GRHL3: variants seen among roughly 807,000 people sequenced by gnomAD.
The protein encoded by GRHL3 is grainyhead like transcription factor 3.
Under a neutral mutation model 70.3 loss-of-function variants are expected in GRHL3, and 20 were observed. The observed-to-expected ratio is 0.28, with a 90% CI of 0.20 to 0.41. The LOEUF (loss-of-function observed/expected upper bound fraction) is 0.41, where lower values mean the gene tolerates loss of function less well. GRHL3 is among the 10% of genes least tolerant of loss of function. The probability of loss-of-function intolerance (pLI) is 1.00; values close to 1 mark genes in which losing one functional copy is unlikely to be tolerated. For missense variants in GRHL3, 637 were observed against 762.3 expected (o/e 0.84, Z 1.94); for synonymous variants, 299 against 299.9 (o/e 1.00, Z 0.03).
At chr1:24,364,364 C>T (rs539431346) in exon 16 of GRHL3, 28 of 1,540,110 alleles carry the variant, frequency 1.8e-5, no homozygotes, top group Admixed American at 6.0e-5. Context: ...ACTGTAAACT[C>T]GGAATGACAC....
rs567840711 is a variant in GRHL3 at position 24,347,325 on chromosome 1, C to G, written c.1544-143C>G. 8 of 703,294 alleles carry G rather than the reference C, an allele frequency of 1.1e-5. No homozygotes were observed. The African/African-American group carries it at 1.4e-4, about 12-fold the overall frequency. The allele number at this position is 703,294 out of a possible 1,614,324, so 43.6% of individuals were successfully genotyped here. ...GCTTAAGAGGGTGCATGGGAATCTG[C>G]AGAGCCGGCCAAAGGGCCTCCCAGC... On this transcript the variant is annotated intron_variant, in intron 13 of 15. Coordinates refer to ENST00000361548, the MANE Select transcript of GRHL3 (RefSeq NM_198173.3).
chr1:24,357,505 GCCTCAGTACTTTTTAAAGT>G (rs1640802163), downstream of GRHL3: 2 of 152,840 alleles, frequency 1.3e-5, no homozygotes, highest in African/African-American at 4.8e-5. Flanking sequence ...TGGGCCCCAG[GCCTCAGTACTTTTTAAAGT>G]CCCCAGGTGA....
rs1436241959 is a variant in GRHL3 at position 24,321,335 on chromosome 1, A to C, written c.17+1767A>C. Among the ~76,000 whole-genome samples, 1 of 152,198 alleles carries C rather than the reference A, an allele frequency of 6.6e-6. No homozygotes were observed. The highest frequency in any genetic ancestry group is 1.5e-5 in the Non-Finnish European group (1 of 68,038). ...TGCTGAGTAATTGCAGGCGGACTCC[A>C]AGCCACCATTTGAGATTACAGTGGC... On this transcript the variant is annotated intron_variant, in intron 1 of 15. Transcript: ENST00000361548. This position sits in a 1 kb window ranked among gnomAD's most constrained non-coding sequence, Gnocchi z 4.0.
At chr1:24,338,367 C>CA (rs1639908657) in intron 7 of GRHL3, among the ~76,000 whole-genome samples, 1 of 152,294 alleles carries the variant, frequency 6.6e-6, no homozygotes, top group South Asian at 2.1e-4. Context: ...TGTTTGTCTC[C>CA]ATCAGGAGGC....
intron 1 of GRHL3, among the ~76,000 whole-genome samples, 197 bp from the exon 2 acceptor site, chr1:24,331,229 A>G (rs575747870): frequency 1.3e-5 from 2 of 152,348 alleles, no homozygotes; most frequent in East Asian, 1.9e-4. Flanking sequence ...CAGCTTCTAC[A>G]TGGCAACATT....
intron 1 of GRHL3, 129 bp downstream of exon 1, chr1:24,319,697 C>A: frequency 6.3e-7 from 1 of 1,595,558 alleles, no homozygotes; most frequent in South Asian, 1.1e-5. Flanking sequence ...AATGAATGGG[C>A]TGACGATCTT....
intron 15 of GRHL3, among the ~76,000 whole-genome samples, chr1:24,351,776 AC>A (rs1350148352): frequency 5.9e-5 from 9 of 152,056 alleles, no homozygotes; most frequent in Non-Finnish European, 1.2e-4. Flanking sequence ...TAATTCTAAA[AC>A]CTTCCATTTA....
At chr1:24,336,935 C>A (rs1557697053) in intron 4 of GRHL3, 108 bp downstream of exon 4, 1 of 1,234,672 alleles carries the variant, frequency 8.1e-7, no homozygotes, top group Non-Finnish European at 1.2e-6. Context: ...GGGAAAGCAT[C>A]CTAGAGCTGA....
rs1302360006 is a variant in GRHL3 at position 24,322,180 on chromosome 1, T to A, written c.17+2612T>A. ...AAAGGGGCTTGGCACACAGTAGGTC[T>A]AAGGCACCGAGGCAGGAGCGTCCCC... On this transcript the variant is annotated intron_variant, in intron 1 of 15. Coordinates refer to ENST00000361548, the MANE Select transcript of GRHL3 (RefSeq NM_198173.3). The surrounding 1 kb of genome is among the most constrained non-coding windows in gnomAD (Gnocchi z 4.4). Among the ~76,000 whole-genome samples the A allele has an allele frequency of 1.3e-5, 2 of 152,106 alleles. No individual in the cohort carries two copies. Among genetic ancestry groups the A allele is most frequent in the African/African-American group, 4.8e-5 (2 of 41,448 alleles).
rs946682090 is a variant in GRHL3, at chr1:24,335,834, G to A, written c.267-648G>A. Among the ~76,000 whole-genome samples the A allele has an allele frequency of 5.3e-5, 8 of 152,040 alleles. No homozygotes were observed. The East Asian group carries it at 5.8e-4, about 11-fold the overall frequency. On this transcript the variant is annotated intron_variant, in intron 3 of 15. Transcript: ENST00000361548. The stretch of plus-strand genomic sequence containing the variant: ...CCTGACCTCGTGATCCGCCCGCCTC[G>A]GCCTCCCTAAGAGCTGGGATTACAG...
exon 16 of GRHL3, chr1:24,364,417 C>A (rs1206539254): frequency 3.2e-5 from 47 of 1,490,926 alleles, no homozygotes; most frequent in Non-Finnish European, 3.6e-6. Context: ...CAGGTCACAT[C>A]TGAGAGCTCT....
In GRHL3 at chr1:24,328,620, T is replaced by A. The variant is rs533485023; in HGVS notation, c.18-2806T>A. On this transcript the variant is annotated intron_variant, in intron 1 of 15. Coordinates refer to ENST00000361548, the MANE Select transcript of GRHL3 (RefSeq NM_198173.3). ...ATCAAAGCTGATAATGGTCAACCCCTAGAGTCAGCAGATTGGGGCTCCAGG... is the reference window on the plus strand; with the variant it reads ...ATCAAAGCTGATAATGGTCAACCCCAAGAGTCAGCAGATTGGGGCTCCAGG... Among the ~76,000 whole-genome samples, 153 of 152,350 alleles carry A rather than the reference T, an allele frequency of 1.0e-3. 1 individual carries two copies. Among genetic ancestry groups the A allele is most frequent in the African/African-American group, 3.6e-3 (148 of 41,584 alleles).
chr1:24,344,903 C>T lies in GRHL3; in HGVS notation c.1426C>T (p.Pro476Ser), dbSNP rs766172979. The T allele has an allele frequency of 6.2e-7, 1 of 1,613,536 alleles. No homozygotes were observed. The highest frequency in any genetic ancestry group is 2.2e-5 in the East Asian group (1 of 44,898). The change falls in exon 12 of 16, where the codon CCC becomes TCC. Residue 476 changes from proline to serine, a missense_variant. Pro to Ser is a moderately conservative substitution (Grantham distance 74, BLOSUM62 -1). Transcript: ENST00000361548. ...CTTTTTCACTTCATTGCAGGCAGCC[C>T]CCTCGGCAGGACCCAGCAGCTCCAA... ...SSLQRSGGAAPSAGPSSSNRL... is the reference protein window; with the variant it reads ...SSLQRSGGAASSAGPSSSNRL...
chr1:24,348,964 C>T (rs1043644566), intron 14 of GRHL3, among the ~76,000 whole-genome samples: 16 of 152,266 alleles, frequency 1.1e-4, no homozygotes, highest in Non-Finnish European at 1.8e-4. Flanking sequence ...CGACGTCTTA[C>T]AGAGCTGTTT....
downstream of GRHL3, among the ~76,000 whole-genome samples, chr1:24,359,193 T>C (rs1374885584): frequency 6.6e-6 from 1 of 152,178 alleles, no homozygotes; most frequent in African/African-American, 2.4e-5. The surrounding 1 kb of genome is among the most constrained non-coding windows in gnomAD (Gnocchi z 5.3). Flanking sequence ...AGCAGGCAGA[T>C]GCCGGCACGT....
At chr1:24,339,503 T>C (rs1161546055) in intron 7 of GRHL3, among the ~76,000 whole-genome samples, 165 bp from the exon 8 acceptor site, 1 of 152,072 alleles carries the variant, frequency 6.6e-6, no homozygotes, top group African/African-American at 2.4e-5. Flanking sequence ...ATGGTCTCCA[T>C]CTCCTGACCT....
intron 15 of GRHL3, among the ~76,000 whole-genome samples, chr1:24,352,796 G>A (rs1336996516): frequency 6.6e-6 from 1 of 152,190 alleles, no homozygotes; most frequent in African/African-American, 2.4e-5. Context: ...AGAGCCCTCT[G>A]TGAAATGAAG....
downstream of GRHL3, chr1:24,358,226 C>T (rs530432606): frequency 3.2e-4 from 182 of 576,594 alleles, no homozygotes; most frequent in Middle Eastern, 4.5e-3. Context: ...CTTCAGTCTG[C>T]GGCAGGGAGT....
At chr1:24,348,999 C>T (rs1640398798) in intron 14 of GRHL3, among the ~76,000 whole-genome samples, 2 of 152,242 alleles carry the variant, frequency 1.3e-5, no homozygotes, top group East Asian at 3.8e-4. Context: ...CTGGGCTGAG[C>T]CCTTTACACA....
Sources: gnomAD v4.1 joint callset for allele counts (sites outside exome capture counted in the v4.1 genomes callset) on GRCh38, gnomAD v4.1.1 for gene constraint, Gnocchi (gnomAD v3.1) non-coding constraint, MANE v1.5 for transcripts, NCBI Gene and HGNC (gene_info 2026-07-23, HGNC 2026-07-21) for gene names.